UBTD1: variants seen among roughly 807,000 people sequenced by gnomAD.
UBTD1 encodes the protein ubiquitin domain-containing protein 1.
Under a neutral mutation model 21.7 loss-of-function variants are expected in UBTD1, and 19 were observed. The ratio of observed to expected loss-of-function variants is 0.87; its 90% CI spans 0.61 to 1.28. UBTD1 has a LOEUF of 1.28. Among genes scored for constraint, UBTD1 ranks in the 50% most tolerant of loss-of-function variants. UBTD1 has a pLI of 0.00. For synonymous variants in UBTD1, 116 were observed against 135.1 expected, an observed-to-expected ratio of 0.86 and a Z score of 0.98; for missense variants, 282 against 315.1, an observed-to-expected ratio of 0.89 and a Z score of 0.80.
Position 97,499,196 on chromosome 10 carries a change from G to C in UBTD1, c.-8G>C, listed in dbSNP as rs1246206340. The stretch of plus-strand genomic sequence containing the variant: ...CTCCGGTGCATGGGGACTGGCTGAG[G>C]AGCCAGCATGGGCAACTGCGTGGGG... On this transcript the variant is annotated 5_prime_UTR_variant, in exon 1 of 3. Coordinates refer to ENST00000370664, the MANE Select transcript of UBTD1 (RefSeq NM_024954.5). The C allele has an allele frequency of 1.3e-6, 2 of 1,543,218 alleles. No individual in the cohort carries two copies. Among genetic ancestry groups the C allele is most frequent in the African/African-American group, 2.8e-5 (2 of 72,134 alleles).
chr10:97,556,732 G>A (rs2040665831), intron 1 of UBTD1, among the ~76,000 whole-genome samples: 1 of 152,196 alleles, frequency 6.6e-6, no homozygotes, highest in Non-Finnish European at 1.5e-5. Flanking sequence ...ACAGCTACCT[G>A]TCCACTGATC....
chr10:97,550,556 C>T (rs1461198293), intron 1 of UBTD1, among the ~76,000 whole-genome samples: 5 of 152,148 alleles, frequency 3.3e-5, no homozygotes, highest in Non-Finnish European at 7.4e-5. Flanking sequence ...CTCACGGCGC[C>T]TCGGTCAGTT....
chr10:97,526,384 G>T (rs141075017), intron 1 of UBTD1, among the ~76,000 whole-genome samples: 1 of 152,146 alleles, frequency 6.6e-6, no homozygotes, highest in Non-Finnish European at 1.5e-5. Flanking sequence ...TGATTCTAGC[G>T]TGAAAAATGG....
chr10:97,560,488 A>G (rs1225270613), intron 1 of UBTD1, among the ~76,000 whole-genome samples: 1 of 152,088 alleles, frequency 6.6e-6, no homozygotes, highest in African/African-American at 2.4e-5. Context: ...CCAGCTGCTT[A>G]TGCTGCTGTT....
At chr10:97,542,098 A>G (rs2040589814) in intron 1 of UBTD1, among the ~76,000 whole-genome samples, 1 of 152,044 alleles carries the variant, frequency 6.6e-6, no homozygotes, top group African/African-American at 2.4e-5. Context: ...CTTCCCTCCC[A>G]GCTCCGCCCC....
intron 1 of UBTD1, among the ~76,000 whole-genome samples, chr10:97,537,446 C>T (rs1354245481): frequency 6.6e-6 from 1 of 152,214 alleles, no homozygotes; most frequent in East Asian, 1.9e-4. Context: ...TACATGTGAC[C>T]TGTGCTCTTG....
chr10:97,524,727 C>T (rs2040480808), intron 1 of UBTD1, among the ~76,000 whole-genome samples: 2 of 152,196 alleles, frequency 1.3e-5, no homozygotes, highest in South Asian at 2.1e-4. Context: ...GGGGGCAGCT[C>T]GGCTCCTTGT....
intron 1 of UBTD1, among the ~76,000 whole-genome samples, chr10:97,500,552 A>G (rs1379391640): frequency 6.6e-6 from 1 of 152,184 alleles, no homozygotes; most frequent in African/African-American, 2.4e-5. Flanking sequence ...GCTTTCATTC[A>G]TTCATTTGTT....
At position 97,553,430 on chromosome 10, in the gene UBTD1, C is replaced by G. The variant is rs574547613; in HGVS notation, c.71-14484C>G. ...ACAGGCGTGAGCCACCGCGGCCAGC[C>G]AATATCTTTTTAAGTAAATGAAATT... is the stretch of plus-strand genomic sequence containing the variant. On this transcript the variant is annotated intron_variant, in intron 1 of 2. Coordinates refer to ENST00000370664, the MANE Select transcript of UBTD1 (RefSeq NM_024954.5). Among the ~76,000 whole-genome samples, 8 of 152,350 alleles carry G rather than the reference C, an allele frequency of 5.3e-5. No individual in the cohort carries two copies. In the East Asian group the frequency reaches 1.5e-3, roughly 29 times the overall value.
intron 1 of UBTD1, among the ~76,000 whole-genome samples, chr10:97,500,577 TC>T (rs2040369190): frequency 6.6e-6 from 1 of 152,238 alleles, no homozygotes; most frequent in African/African-American, 2.4e-5. Flanking sequence ...AAATATGTGT[TC>T]AGGCCCCATA....
At chr10:97,550,148 AGC>A (rs772072360) in intron 1 of UBTD1, among the ~76,000 whole-genome samples, 1 of 152,080 alleles carries the variant, frequency 6.6e-6, no homozygotes, top group Non-Finnish European at 1.5e-5. Context: ...CTGGTGTGAG[AGC>A]CGTGTCTCTC....
intron 1 of UBTD1, among the ~76,000 whole-genome samples, chr10:97,515,869 C>T (rs188758957): frequency 2.3e-3 from 345 of 152,334 alleles, no homozygotes; most frequent in Middle Eastern, 0.017. Flanking sequence ...ACAGGTCTGG[C>T]AGGAGCCACT....
chr10:97,521,467 G>A (rs1038746465), intron 1 of UBTD1, among the ~76,000 whole-genome samples: 4 of 152,186 alleles, frequency 2.6e-5, no homozygotes, highest in Non-Finnish European at 5.9e-5. Context: ...GGGGTGGTGA[G>A]GGTCACTCCC....
chr10:97,528,874 T>C (rs1196500567), intron 1 of UBTD1, among the ~76,000 whole-genome samples: 82 of 105,852 alleles, frequency 7.7e-4, no homozygotes, highest in African/African-American at 9.4e-4. Flanking sequence ...ACCTCCCGGA[T>C]GGGGCGGCTG....
chr10:97,550,111 G>C (rs12240481), intron 1 of UBTD1, among the ~76,000 whole-genome samples: 6 of 152,294 alleles, frequency 3.9e-5, no homozygotes, highest in African/African-American at 1.4e-4. Context: ...TTGGGACAAG[G>C]AGGCTCTTGT....
intron 1 of UBTD1, among the ~76,000 whole-genome samples, chr10:97,546,659 G>C (rs2135678152): frequency 6.6e-6 from 1 of 151,064 alleles, no homozygotes; most frequent in South Asian, 2.1e-4. Context: ...TGGCCCAGCT[G>C]TCCTGGGAGG....
At chr10:97,510,524 T>C (rs2040419245) in intron 1 of UBTD1, among the ~76,000 whole-genome samples, 1 of 152,230 alleles carries the variant, frequency 6.6e-6, no homozygotes, top group African/African-American at 2.4e-5. Context: ...TTAGATGAAT[T>C]ACTGCACATC....
intron 1 of UBTD1, among the ~76,000 whole-genome samples, chr10:97,533,508 G>A (rs2040543018): frequency 1.3e-5 from 2 of 152,168 alleles, no homozygotes; most frequent in African/African-American, 4.8e-5. Context: ...GCTCTTGCCT[G>A]GCCTTGGGCT....
At chr10:97,542,199 T>C (rs1391253446) in intron 1 of UBTD1, among the ~76,000 whole-genome samples, 2 of 151,764 alleles carry the variant, frequency 1.3e-5, no homozygotes, top group Admixed American at 6.5e-5. Flanking sequence ...ACCCAGGCCC[T>C]GCATCTGGCG....
Sources: gnomAD v4.1 joint callset for allele counts (sites outside exome capture counted in the v4.1 genomes callset) on GRCh38, gnomAD v4.1.1 for gene constraint, MANE v1.5 for transcripts, NCBI Gene and HGNC (gene_info 2026-07-23, HGNC 2026-07-21) for gene names.